ACSS1: variants seen among roughly 807,000 people sequenced by gnomAD.
ACSS1 encodes acetyl-coenzyme A synthetase 2-like, mitochondrial.
ACSS1 carries 42 observed loss-of-function variants against 75.3 expected under a neutral mutation model. That is an observed-to-expected ratio of 0.56 (90% CI 0.44 to 0.72). The LOEUF is 0.72. Ranked by LOEUF, ACSS1 falls within the 30% of genes least tolerant of loss-of-function variation. ACSS1 has a pLI of 0.00. For synonymous variants in ACSS1, 380 were observed against 376.8 expected, an observed-to-expected ratio of 1.01 and a Z score of -0.10; for missense variants, 782 against 935.7, an observed-to-expected ratio of 0.84 and a Z score of 2.14.
intron 2 of ACSS1, among the ~76,000 whole-genome samples, chr20:25,031,901 G>C (rs1214450409): frequency 2.0e-5 from 3 of 152,182 alleles, no homozygotes; most frequent in Non-Finnish European, 2.9e-5. Context: ...CAACACAGTC[G>C]AGGGGCACCA....
Position 25,012,878 on chromosome 20 carries a change from C to T in ACSS1, c.1641G>A (p.Gly547=), listed in dbSNP as rs1167217616. ...RTEGGYYQIT[G]RMDDVINISG... is the part of the protein sequence containing the mutation. ...TGATGTTGATGACATCATCCATCCG[C>T]CCTGTGATCTGGTAATAGCCGCCCT... Residue 547 remains glycine (G), a synonymous_variant, in exon 11 of 14, where the codon GGG becomes GGA. Coordinates refer to ENST00000323482, the MANE Select transcript of ACSS1 (RefSeq NM_032501.4). 1 of 1,614,164 alleles carries T rather than the reference C, an allele frequency of 6.2e-7. No homozygotes were observed. The highest frequency in any genetic ancestry group is 2.2e-5 in the East Asian group (1 of 44,882).
intron 7 of ACSS1, among the ~76,000 whole-genome samples, chr20:25,017,078 G>T (rs573721868): frequency 1.1e-4 from 16 of 151,046 alleles, no homozygotes; most frequent in South Asian, 8.4e-4. Context: ...CTGCAACCTC[G>T]ACTTCTGGGG....
In ACSS1 at chr20:25,020,262, T is replaced by C. The variant is rs971516863; in HGVS notation, c.1109-115A>G. 49 of 1,418,320 alleles carry C rather than the reference T, an allele frequency of 3.5e-5. No individual in the cohort carries two copies. In the African/African-American group the frequency reaches 4.4e-4, roughly 13 times the overall value. 87.9% of individuals were successfully genotyped at this position (1,418,320 alleles called of 1,614,324 possible). On this transcript the variant is annotated intron_variant, in intron 6 of 13. Transcript: ENST00000323482. ...GCATGTGCAGACGCGCATATGTCCATATGAAAGGGATCCCCCCAACCCCCC... is the reference window on the plus strand; with the variant it reads ...GCATGTGCAGACGCGCATATGTCCACATGAAAGGGATCCCCCCAACCCCCC...
intron 1 of ACSS1, among the ~76,000 whole-genome samples, chr20:25,055,037 A>T (rs1037839547): frequency 1.3e-5 from 2 of 152,138 alleles, no homozygotes; most frequent in Non-Finnish European, 2.9e-5. Context: ...TGTCTATAAA[A>T]CCATCCTCCT....
intron 2 of ACSS1, among the ~76,000 whole-genome samples, chr20:25,035,475 C>T (rs146143067): frequency 0.04 from 6,029 of 151,946 alleles, 189 homozygotes; most frequent in Non-Finnish European, 0.056. Flanking sequence ...GTGCCATCTC[C>T]GCTCACTGCA....
chr20:25,022,828 G>A, intron 5 of ACSS1, 112 bp downstream of exon 5: 2 of 1,385,882 alleles, frequency 1.4e-6, no homozygotes, highest in Non-Finnish European at 1.9e-6. Flanking sequence ...AGGCCAGGAA[G>A]AAACACTGAC....
rs943453951 is a variant in ACSS1 at position 25,007,651 on chromosome 20, TG to T, written c.*110del. On this transcript the variant is annotated 3_prime_UTR_variant, in exon 14 of 14. Coordinates refer to ENST00000323482, the MANE Select transcript of ACSS1 (RefSeq NM_032501.4). Reference sequence around the variant, plus strand: ...AGGGCGGTGTGGGTCATGTGTGGGGTGGGGGCTGCTTCTGGGACGTAGGAAG... The same window carrying T: ...AGGGCGGTGTGGGTCATGTGTGGGGTGGGGCTGCTTCTGGGACGTAGGAAG... The T allele has an allele frequency of 2.0e-6, 3 of 1,525,902 alleles. No individual in the cohort carries two copies. Among genetic ancestry groups the T allele is most frequent in the South Asian group, 1.3e-5 (1 of 77,662 alleles). 94.5% of individuals were successfully genotyped at this position (1,525,902 alleles called of 1,614,324 possible). A position where few individuals can be genotyped will look rare whatever the true frequency, so the allele number is the denominator to read the frequency against.
chr20:25,053,206 G>A (rs2089199963), intron 1 of ACSS1, among the ~76,000 whole-genome samples: 1 of 150,692 alleles, frequency 6.6e-6, no homozygotes, highest in Non-Finnish European at 1.5e-5. Context: ...TGGGACTACA[G>A]GTATGCACCA....
intron 3 of ACSS1, among the ~76,000 whole-genome samples, chr20:25,027,235 A>G (rs1240924388): frequency 2.0e-5 from 3 of 152,240 alleles, no homozygotes; most frequent in Admixed American, 2.0e-4. Flanking sequence ...ATTAGCACCA[A>G]TCCTTCTCAA....
intron 7 of ACSS1, among the ~76,000 whole-genome samples, chr20:25,017,669 G>A (rs896675952): frequency 1.3e-5 from 2 of 152,250 alleles, no homozygotes; most frequent in African/African-American, 4.8e-5. Flanking sequence ...TGGCTCAGAG[G>A]TGTTCCAAGT....
chr20:25,032,515 T>G, intron 2 of ACSS1: 1 of 1,264,848 alleles, frequency 7.9e-7, no homozygotes. Flanking sequence ...TTATTTGCAA[T>G]AAAAAGAGCT....
chr20:25,007,086 ACACT>A lies in ACSS1; in HGVS notation c.*672_*675del. On this transcript the variant is annotated 3_prime_UTR_variant, in exon 14 of 14. Coordinates refer to ENST00000323482, the MANE Select transcript of ACSS1 (RefSeq NM_032501.4). ...TTATACACAACCAAGCACAGGAGAA[ACACT>A]CACCAGGAAAAGATGCCGGAGGCTT... 2 of 1,421,836 alleles carry A rather than the reference ACACT, an allele frequency of 1.4e-6. No homozygotes were observed. The highest frequency in any genetic ancestry group is 1.8e-6 in the Non-Finnish European group (2 of 1,090,852). The allele number at this position is 1,421,836 out of a possible 1,614,324, so 88.1% of individuals were successfully genotyped here.
Position 25,017,797 on chromosome 20 carries a change from C to T in ACSS1, c.1246+2213G>A, listed in dbSNP as rs1568832188. On this transcript the variant is annotated intron_variant, in intron 7 of 13. Transcript: ENST00000323482. The stretch of plus-strand genomic sequence containing the variant: ...AGGGCGGTACCCCTTGTCATTGGAC[C>T]CCGTGAACCTTCCTTCAGGAGACAA... Among the ~76,000 whole-genome samples the T allele has an allele frequency of 2.0e-5, 3 of 152,204 alleles. No homozygotes were observed. The South Asian group carries it at 6.2e-4, about 32-fold the overall frequency.
intron 2 of ACSS1, among the ~76,000 whole-genome samples, chr20:25,038,744 G>C (rs2088955837): frequency 1.3e-5 from 2 of 152,114 alleles, no homozygotes; most frequent in Non-Finnish European, 2.9e-5. Flanking sequence ...CCTACAGTTG[G>C]GGTTGCTGCC....
chr20:25,028,166 A>G (rs2122670917), intron 3 of ACSS1, among the ~76,000 whole-genome samples: 1 of 152,356 alleles, frequency 6.6e-6, no homozygotes, highest in South Asian at 2.1e-4. Context: ...GTGGATTAAT[A>G]TTGTCAATAT....
chr20:25,039,719 T>C (rs910749620), intron 2 of ACSS1, among the ~76,000 whole-genome samples: 1 of 152,238 alleles, frequency 6.6e-6, no homozygotes, highest in African/African-American at 2.4e-5. Context: ...GCAGTCAGCT[T>C]CTAAGAAAGC....
At chr20:25,035,541 G>A (rs1458237880) in intron 2 of ACSS1, among the ~76,000 whole-genome samples, 2 of 152,048 alleles carry the variant, frequency 1.3e-5, no homozygotes, top group Non-Finnish European at 2.9e-5. Context: ...GAGTAGCTGG[G>A]ACTACAGGCG....
chr20:25,015,537 T>TC (rs2088502174), intron 7 of ACSS1, among the ~76,000 whole-genome samples: 1 of 152,214 alleles, frequency 6.6e-6, no homozygotes. Context: ...CCTCAGGTGA[T>TC]CCACCTGCCT....
rs781013294 is a variant in ACSS1, at chr20:25,012,811, C to T, written c.1707+1G>A. 29 of 1,613,884 alleles carry T rather than the reference C, an allele frequency of 1.8e-5. No individual in the cohort carries two copies. Among genetic ancestry groups the T allele is most frequent in the Non-Finnish European group, 2.5e-5 (29 of 1,179,934 alleles). On this transcript the variant is annotated splice_donor_variant, in intron 11 of 13. Transcript: ENST00000323482. LOFTEE classifies it high-confidence loss of function. ...AAGGAGGAGGCCCAGCCTGTGCTCACGATGGCGTCCTCAATCTCTGCGGTC... is the reference window on the plus strand; with the variant it reads ...AAGGAGGAGGCCCAGCCTGTGCTCATGATGGCGTCCTCAATCTCTGCGGTC...
Sources: gnomAD v4.1 joint callset for allele counts (sites outside exome capture counted in the v4.1 genomes callset) on GRCh38, gnomAD v4.1.1 for gene constraint, MANE v1.5 for transcripts, NCBI Gene and HGNC (gene_info 2026-07-23, HGNC 2026-07-21) for gene names.